PLEKHA6: variants seen among roughly 807,000 people sequenced by gnomAD.
PLEKHA6 encodes pleckstrin homology domain containing A6.
PLEKHA6 carries 60 observed loss-of-function variants against 116.7 expected under a neutral mutation model. The observed-to-expected ratio is 0.51, with a 90% CI of 0.42 to 0.64. The LOEUF (loss-of-function observed/expected upper bound fraction) is 0.64. Ranked by LOEUF, PLEKHA6 falls within the 30% of genes least tolerant of loss-of-function variation. PLEKHA6 has a pLI of 0.00. For synonymous variants in PLEKHA6, 489 were observed against 556.1 expected (o/e 0.88, Z 1.70); for missense variants, 1,338 against 1,422.7 (o/e 0.94, Z 0.96).
At chr1:204,244,796 T>C in intron 15 of PLEKHA6, 68 bp downstream of exon 15, 5 of 1,232,496 alleles carry the variant, frequency 4.1e-6, no homozygotes, top group Non-Finnish European at 4.4e-6. Context: ...AGAAGTTGTA[T>C]AGTTTCAGAC....
intron 9 of PLEKHA6, among the ~76,000 whole-genome samples, chr1:204,256,595 C>T (rs900475107): frequency 6.6e-6 from 1 of 152,146 alleles, no homozygotes; most frequent in African/African-American, 2.4e-5. Flanking sequence ...GGCTGTGTCA[C>T]AGAGGAGAAG....
At chr1:204,328,119 C>G (rs1051042181) in intron 1 of PLEKHA6, among the ~76,000 whole-genome samples, 1 of 151,566 alleles carries the variant, frequency 6.6e-6, no homozygotes, top group Non-Finnish European at 1.5e-5. Flanking sequence ...TTTCACTCTT[C>G]TTGCCCAGGC....
At chr1:204,248,567 A>G (rs1664101596) in intron 12 of PLEKHA6, among the ~76,000 whole-genome samples, 1 of 152,254 alleles carries the variant, frequency 6.6e-6, no homozygotes, top group African/African-American at 2.4e-5. Context: ...TGCTGTCCCA[A>G]AGAAATCCAG....
intron 1 of PLEKHA6, among the ~76,000 whole-genome samples, chr1:204,355,872 A>G (rs1673398536): frequency 6.6e-6 from 1 of 152,168 alleles, no homozygotes; most frequent in Non-Finnish European, 1.5e-5. Flanking sequence ...ACATTTGATA[A>G]GTCTCTTTTT....
chr1:204,306,605 C>T (rs1671334241), intron 1 of PLEKHA6, among the ~76,000 whole-genome samples: 1 of 152,242 alleles, frequency 6.6e-6, no homozygotes, highest in Non-Finnish European at 1.5e-5. Flanking sequence ...TGCTGGAATG[C>T]ATAAGGATCT....
chr1:204,316,308 A>AG, intron 1 of PLEKHA6, among the ~76,000 whole-genome samples: 1 of 152,346 alleles, frequency 6.6e-6, no homozygotes, highest in South Asian at 2.1e-4. Flanking sequence ...GACTTTCTCG[A>AG]TACAGGATGT....
intron 2 of PLEKHA6, chr1:204,371,494 C>T (rs1052208459): frequency 6.6e-6 from 1 of 152,288 alleles, no homozygotes; most frequent in Non-Finnish European, 1.5e-5. Flanking sequence ...TTACATCCTC[C>T]TCAATTGCAA....
chr1:204,262,739 C>T (rs1195279267), intron 6 of PLEKHA6, among the ~76,000 whole-genome samples: 1 of 152,198 alleles, frequency 6.6e-6, no homozygotes, highest in Non-Finnish European at 1.5e-5. Flanking sequence ...AGCCATTACC[C>T]AGCAAGAGGC....
At chr1:204,313,058 C>A in intron 1 of PLEKHA6, among the ~76,000 whole-genome samples, 1 of 119,858 alleles carries the variant, frequency 8.3e-6, no homozygotes, top group Non-Finnish European at 1.7e-5. Context: ...GTCCCTCCCT[C>A]CCTCCCTTCC....
At chr1:204,274,116 GAGAC>G (rs1237953919) in intron 2 of PLEKHA6, among the ~76,000 whole-genome samples, 1 of 151,244 alleles carries the variant, frequency 6.6e-6, no homozygotes, top group Admixed American at 6.6e-5. Context: ...TTTTTTTAGA[GAGAC>G]AGGGTGTCAC....
intron 1 of PLEKHA6, among the ~76,000 whole-genome samples, chr1:204,312,791 A>G (rs1215679631): frequency 1.3e-5 from 2 of 152,206 alleles, no homozygotes; most frequent in Non-Finnish European, 2.9e-5. Flanking sequence ...GTTTGCCTCT[A>G]GTGCACTCTC....
chr1:204,308,112 G>C (rs983361700), intron 1 of PLEKHA6, among the ~76,000 whole-genome samples: 1 of 152,166 alleles, frequency 6.6e-6, no homozygotes, highest in Non-Finnish European at 1.5e-5. Flanking sequence ...ATTAGGCCAG[G>C]TGAGACTAGG....
At chr1:204,326,957 T>C (rs145730710) in intron 1 of PLEKHA6, 1 of 984,238 alleles carries the variant, frequency 1.0e-6, no homozygotes, top group South Asian at 4.7e-5. Flanking sequence ...AGGCAGGGAG[T>C]GGTCCAGGCA....
rs1415101102 is a variant in PLEKHA6, at chr1:204,307,803, A to G, written c.-94-32994T>C. The G allele has an allele frequency of 3.3e-6, 3 of 920,566 alleles. No individual in the cohort carries two copies. The Admixed American group carries it at 1.9e-4, about 57-fold the overall frequency. The allele number at this position is 920,566 out of a possible 1,614,324, so 57.0% of individuals were successfully genotyped here. ...CCCAGAGGTGCAGGCACTGGGAGAG[A>G]GCCCTGCCAGGTGCTCTCCACTGTC... On this transcript the variant is annotated intron_variant, in intron 1 of 22. Transcript: ENST00000272203.
chr1:204,287,754 A>T (rs1669346506), intron 1 of PLEKHA6, among the ~76,000 whole-genome samples: 1 of 152,100 alleles, frequency 6.6e-6, no homozygotes, highest in Non-Finnish European at 1.5e-5. Flanking sequence ...TTCTGACCAG[A>T]GCTACCGAGC....
rs370120770 is a variant in PLEKHA6 at position 204,230,583 on chromosome 1, G to C, written c.2413C>G (p.Arg805Gly). The C allele has an allele frequency of 6.3e-7, 1 of 1,597,878 alleles. No homozygotes were observed. The highest frequency in any genetic ancestry group is 8.5e-7 in the Non-Finnish European group (1 of 1,172,628). The stretch of plus-strand genomic sequence containing the variant: ...CCAGGAAACACAGCACTCTTGGGGC[G>C]TTCCTGCTGCCATGGGAAAACAGGG... ...GLTNGLSSQE[R>G]PKSAVFPGEG... The change falls in exon 18 of 23, where the codon CGC becomes GGC. Residue 805 changes from arginine to glycine, a missense_variant. Arg to Gly is a moderately radical substitution (Grantham distance 125, BLOSUM62 -2). Coordinates refer to ENST00000272203, the MANE Select transcript of PLEKHA6 (RefSeq NM_014935.5).
chr1:204,234,015 C>T (rs2102471667), intron 17 of PLEKHA6, among the ~76,000 whole-genome samples: 1 of 152,140 alleles, frequency 6.6e-6, no homozygotes, highest in African/African-American at 2.4e-5. Flanking sequence ...GAATAGTACC[C>T]CCAAAAAGAG....
At chr1:204,346,947 G>A (rs900551373) in intron 1 of PLEKHA6, 3 of 1,164,802 alleles carry the variant, frequency 2.6e-6, no homozygotes, top group East Asian at 4.8e-5. Flanking sequence ...GTTTCAGGAA[G>A]CTATCTCGGC....
intron 21 of PLEKHA6, among the ~76,000 whole-genome samples, chr1:204,225,516 A>G (rs556841960): frequency 6.6e-6 from 1 of 152,348 alleles, no homozygotes; most frequent in South Asian, 2.1e-4. Flanking sequence ...CAGCCTGTGC[A>G]CACAGACAGA....
Sources: gnomAD v4.1 joint callset for allele counts (sites outside exome capture counted in the v4.1 genomes callset) on GRCh38, gnomAD v4.1.1 for gene constraint, MANE v1.5 for transcripts, NCBI Gene and HGNC (gene_info 2026-07-23, HGNC 2026-07-21) for gene names.